The following ANXA3 variants were observed in gnomAD, a reference collection of about 807,000 sequenced individuals.
The protein encoded by ANXA3 is annexin A3.
In ANXA3, 46 loss-of-function variants were observed where a neutral mutation model predicts 48.8. The ratio of observed to expected loss-of-function variants is 0.94; its 90% CI spans 0.74 to 1.21. The LOEUF is 1.21. ANXA3 is among the 50% of genes most tolerant of loss of function. The pLI, the probability that ANXA3 is intolerant of heterozygous loss-of-function variation, is 0.00. For synonymous variants in ANXA3, 128 were observed against 134.7 expected, an observed-to-expected ratio of 0.95 and a Z score of 0.35; for missense variants, 383 against 378.6, an observed-to-expected ratio of 1.01 and a Z score of -0.10.
chr4:78,604,470 T>C, intron 12 of ANXA3, 71 bp downstream of exon 12: 1 of 1,259,700 alleles, frequency 7.9e-7, no homozygotes, highest in Non-Finnish European at 1.1e-6. Context: ...CTTATATGCC[T>C]TAAAATATAA....
At chr4:78,573,392 G>A in intron 3 of ANXA3, 125 bp downstream of exon 3, 1 of 670,490 alleles carries the variant, frequency 1.5e-6, no homozygotes, top group Non-Finnish European at 2.6e-6. Context: ...TTCTAAAATT[G>A]TGAAATAACG....
chr4:78,601,677 A>G, intron 11 of ANXA3, 109 bp downstream of exon 11: 2 of 913,028 alleles, frequency 2.2e-6, no homozygotes, highest in Non-Finnish European at 3.4e-6. Flanking sequence ...TGTAATTTAA[A>G]CATTTTAAGA....
intron 2 of ANXA3, among the ~76,000 whole-genome samples, chr4:78,558,007 G>A (rs908882676): frequency 2.6e-5 from 4 of 152,106 alleles, no homozygotes; most frequent in Admixed American, 6.6e-5. Context: ...AACAAAATGC[G>A]GTACACACAC....
intron 12 of ANXA3, among the ~76,000 whole-genome samples, chr4:78,606,912 A>G (rs1395806299): frequency 6.6e-6 from 1 of 152,238 alleles, no homozygotes; most frequent in Non-Finnish European, 1.5e-5. Flanking sequence ...TATTTGAATC[A>G]GTCCTGACAC....
intron 2 of ANXA3, among the ~76,000 whole-genome samples, chr4:78,561,689 T>C (rs1334396563): frequency 1.3e-5 from 2 of 152,050 alleles, no homozygotes; most frequent in Admixed American, 6.5e-5. Context: ...TCAAGCTTGG[T>C]GACTATTTTC....
intron 6 of ANXA3, among the ~76,000 whole-genome samples, chr4:78,590,923 TC>T (rs1312070440): frequency 2.0e-5 from 3 of 152,142 alleles, no homozygotes; most frequent in Non-Finnish European, 4.4e-5. Flanking sequence ...AACTCAGACT[TC>T]TTCTTGATTA....
chr4:78,582,082 C>CCA (rs747107817), intron 4 of ANXA3, 95 bp from the exon 5 acceptor site: 2 of 713,248 alleles, frequency 2.8e-6, no homozygotes, highest in Non-Finnish European at 4.9e-6. Flanking sequence ...CATGTTTTGT[C>CCA]TGATTTTGAT....
intron 5 of ANXA3, among the ~76,000 whole-genome samples, chr4:78,584,884 G>A (rs1296920963): frequency 6.6e-6 from 1 of 152,214 alleles, no homozygotes; most frequent in Non-Finnish European, 1.5e-5. Context: ...GGAGAGAGGA[G>A]AGGAAGTAGG....
intron 7 of ANXA3, among the ~76,000 whole-genome samples, chr4:78,593,928 T>C (rs1353709532): frequency 6.6e-6 from 1 of 151,842 alleles, no homozygotes; most frequent in African/African-American, 2.4e-5. Context: ...AAGTTTATAG[T>C]TTACATTAGG....
At chr4:78,602,976 C>T (rs1420802490) in intron 11 of ANXA3, 4 of 152,444 alleles carry the variant, frequency 2.6e-5, no homozygotes, top group Non-Finnish European at 5.9e-5. Flanking sequence ...TGCTCATCCT[C>T]TAGATCTTTA....
chr4:78,588,502 A>G (rs557945792), intron 6 of ANXA3, among the ~76,000 whole-genome samples: 124 of 152,322 alleles, frequency 8.1e-4, no homozygotes, highest in African/African-American at 2.9e-3. Flanking sequence ...AACAAAGGAA[A>G]GAGGTTGAGG....
At chr4:78,580,918 A>C (rs141823358) in intron 4 of ANXA3, among the ~76,000 whole-genome samples, 605 of 152,370 alleles carry the variant, frequency 4.0e-3, no homozygotes, top group Non-Finnish European at 7.1e-3. Context: ...CATACAGAGA[A>C]GGTGAATGAT....
At chr4:78,557,818 C>A (rs1722548854) in intron 2 of ANXA3, among the ~76,000 whole-genome samples, 1 of 151,832 alleles carries the variant, frequency 6.6e-6, no homozygotes, top group South Asian at 2.1e-4. Flanking sequence ...AGCAATTCTC[C>A]AAAAAATTAA....
chr4:78,603,031 G>A (rs530448096), intron 11 of ANXA3: 1 of 152,306 alleles, frequency 6.6e-6, no homozygotes. Context: ...CTCTCCTCCT[G>A]AGAGAGGTCT....
intron 7 of ANXA3, among the ~76,000 whole-genome samples, chr4:78,592,386 G>A (rs1163250992): frequency 1.3e-5 from 2 of 152,224 alleles, no homozygotes; most frequent in Non-Finnish European, 2.9e-5. Context: ...ACCTGTCAAA[G>A]TGAGGCATTA....
chr4:78,608,926 C>G (rs1241989039), intron 12 of ANXA3, among the ~76,000 whole-genome samples: 1 of 152,144 alleles, frequency 6.6e-6, no homozygotes, highest in Non-Finnish European at 1.5e-5. Flanking sequence ...GTTTACAACT[C>G]TGATCAGAGA....
At chr4:78,556,011 T>A (rs978522607) in intron 2 of ANXA3, among the ~76,000 whole-genome samples, 4 of 152,126 alleles carry the variant, frequency 2.6e-5, no homozygotes, top group Non-Finnish European at 4.4e-5. Flanking sequence ...GGAGAGTAAA[T>A]TTGGTACACT....
chr4:78,571,434 G>A (rs893193894), intron 2 of ANXA3, among the ~76,000 whole-genome samples: 3 of 152,190 alleles, frequency 2.0e-5, no homozygotes, highest in African/African-American at 7.2e-5. Flanking sequence ...AACAGTGTTT[G>A]AGTGTATTGA....
intron 6 of ANXA3, among the ~76,000 whole-genome samples, chr4:78,589,746 A>G (rs1005859524): frequency 3.3e-5 from 5 of 152,196 alleles, no homozygotes; most frequent in African/African-American, 9.7e-5. Context: ...CCTAAGAGAG[A>G]AGATACAATG....
Sources: allele counts gnomAD v4.1 joint callset (sites outside exome capture counted in the v4.1 genomes callset), GRCh38; gene constraint gnomAD v4.1.1; transcripts MANE v1.5; gene names NCBI Gene and HGNC (gene_info 2026-07-23, HGNC 2026-07-21).